The following MON2 variants were observed in gnomAD, a reference collection of about 807,000 sequenced individuals.
MON2 encodes MON2 regulator of endosome-to-Golgi trafficking.
Under a neutral mutation model 208.6 loss-of-function variants are expected in MON2, and 84 were observed. The observed-to-expected ratio is 0.40, with a 90% CI of 0.34 to 0.48. The LOEUF (loss-of-function observed/expected upper bound fraction) is 0.48, where lower values mean the gene tolerates loss of function less well. Ranked by LOEUF, MON2 falls within the 20% of genes least tolerant of loss-of-function variation. MON2 has a pLI of 0.59. For synonymous variants in MON2, 660 were observed against 694.0 expected, an observed-to-expected ratio of 0.95 and a Z score of 0.77; for missense variants, 1,611 against 2,015.4, an observed-to-expected ratio of 0.80 and a Z score of 3.84.
At position 62,598,753 on chromosome 12, in the gene MON2, C is replaced by T. The variant is rs1297407622; in HGVS notation, c.*6004C>T. 1 of 152,162 alleles carries T rather than the reference C, an allele frequency of 6.6e-6. No homozygotes were observed. The highest frequency in any genetic ancestry group is 6.5e-5 in the Admixed American group (1 of 15,280). 9.4% of individuals were successfully genotyped at this position (152,162 alleles called of 1,614,324 possible). A position where few individuals can be genotyped will look rare whatever the true frequency, so the allele number is the denominator to read the frequency against. On this transcript the variant is annotated 3_prime_UTR_variant, in exon 35 of 35. Coordinates refer to ENST00000393630, the MANE Select transcript of MON2 (RefSeq NM_015026.3). ...AGATGTATCAGTTATGTATTATAATCATGAAATTGTATTGGCCTCAAACCC... is the reference window on the plus strand; with the variant it reads ...AGATGTATCAGTTATGTATTATAATTATGAAATTGTATTGGCCTCAAACCC...
chr12:62,532,386 A>AT lies in MON2; in HGVS notation c.1401-44dup, dbSNP rs950686720. 1.8e-4 allele frequency: 236 copies of AT among 1,282,460 alleles called. 1 individual carries two copies. In the South Asian group the frequency reaches 1.9e-3, roughly 10 times the overall value. 79.4% of individuals were successfully genotyped at this position (1,282,460 alleles called of 1,614,324 possible). A position where few individuals can be genotyped will look rare whatever the true frequency, so the allele number is the denominator to read the frequency against. On this transcript the variant is annotated intron_variant, in intron 11 of 34. Transcript: ENST00000393630. ...TAAATTGTAGAAAATAGTTTTATGTATTTTTTTTGTTGTGGCTTCTCATTA... is the reference window on the plus strand; with the variant it reads ...TAAATTGTAGAAAATAGTTTTATGTATTTTTTTTTGTTGTGGCTTCTCATTA...
intron 24 of MON2, among the ~76,000 whole-genome samples, chr12:62,555,226 C>G (rs1362890925): frequency 6.6e-6 from 1 of 151,692 alleles, no homozygotes; most frequent in Non-Finnish European, 1.5e-5. Flanking sequence ...CCCAGGATGG[C>G]ATGCAGTGGC....
intron 11 of MON2, among the ~76,000 whole-genome samples, chr12:62,528,375 G>A (rs1037268322): frequency 1.3e-5 from 2 of 152,098 alleles, no homozygotes; most frequent in African/African-American, 2.4e-5. Flanking sequence ...AAGTATTGGT[G>A]GCATATTCTT....
intron 8 of MON2, among the ~76,000 whole-genome samples, chr12:62,517,637 A>G (rs913312979): frequency 2.1e-4 from 32 of 152,134 alleles, no homozygotes; most frequent in African/African-American, 7.0e-4. Flanking sequence ...GAAAGCATCC[A>G]TTTGCAAGCT....
At position 62,566,120 on chromosome 12, in the gene MON2, T is replaced by G. The variant is rs1025820937; in HGVS notation, c.4194+89T>G. 5 of 1,433,050 alleles carry G rather than the reference T, an allele frequency of 3.5e-6. No homozygotes were observed. In the African/African-American group the frequency reaches 4.3e-5, roughly 12 times the overall value. 88.8% of individuals were successfully genotyped at this position (1,433,050 alleles called of 1,614,324 possible). On this transcript the variant is annotated intron_variant, in intron 28 of 34. Coordinates refer to ENST00000393630, the MANE Select transcript of MON2 (RefSeq NM_015026.3). Reference sequence around the variant, plus strand: ...TTCTTGGTAGAATGCTGTATGTGCTTTTTCCAATAGTTTTAATTTTTGCCT... The same window carrying G: ...TTCTTGGTAGAATGCTGTATGTGCTGTTTCCAATAGTTTTAATTTTTGCCT...
At position 62,537,636 on chromosome 12, in the gene MON2, T is replaced by G. The variant is rs1312026200; in HGVS notation, c.2048T>G (p.Leu683Ter). Residue 683 changes from leucine to a stop codon, truncating the protein, a stop_gained, in exon 16 of 35, where the codon TTA becomes TGA. Coordinates refer to ENST00000393630, the MANE Select transcript of MON2 (RefSeq NM_015026.3). LOFTEE classifies it high-confidence loss of function. ...TSKNIQCMRT[L>*]LNLAHCHGAV... is the part of the protein sequence containing the mutation. ...AAAAATATCCAGTGTATGAGGACTT[T>G]ACTTAACTTGGCGCATTGCCATGGG... 4.3e-6 allele frequency: 7 copies of G among 1,613,156 alleles called. No individual in the cohort carries two copies. The highest frequency in any genetic ancestry group is 5.9e-6 in the Non-Finnish European group (7 of 1,179,680).
intron 19 of MON2, among the ~76,000 whole-genome samples, chr12:62,539,815 G>A (rs1428826906): frequency 6.6e-6 from 1 of 151,790 alleles, no homozygotes; most frequent in Non-Finnish European, 1.5e-5. Context: ...TCAGGAGTTC[G>A]AGACCAGCCT....
intron 4 of MON2, among the ~76,000 whole-genome samples, chr12:62,495,934 A>AT (rs1316638072): frequency 6.6e-6 from 1 of 152,048 alleles, no homozygotes; most frequent in Non-Finnish European, 1.5e-5. Context: ...CCATTCTATT[A>AT]TTTATTTCAC....
chr12:62,595,099 T>G lies in MON2; in HGVS notation c.*2350T>G, dbSNP rs1363930344. 3 of 152,014 alleles carry G rather than the reference T, an allele frequency of 2.0e-5. No individual in the cohort carries two copies. The highest frequency in any genetic ancestry group is 7.2e-5 in the African/African-American group (3 of 41,406). 9.4% of individuals were successfully genotyped at this position (152,014 alleles called of 1,614,324 possible). A position where few individuals can be genotyped will look rare whatever the true frequency, so the allele number is the denominator to read the frequency against. On this transcript the variant is annotated 3_prime_UTR_variant, in exon 35 of 35. Coordinates refer to ENST00000393630, the MANE Select transcript of MON2 (RefSeq NM_015026.3). Reference sequence around the variant, plus strand: ...AGTCTATAACCAGCCCTTTAAGCAGTAGTAAAAATGTCCTTTGTCATACTT... The same window carrying G: ...AGTCTATAACCAGCCCTTTAAGCAGGAGTAAAAATGTCCTTTGTCATACTT...
intron 1 of MON2, among the ~76,000 whole-genome samples, chr12:62,472,632 C>A (rs1393921447): frequency 6.6e-6 from 1 of 152,134 alleles, no homozygotes; most frequent in Non-Finnish European, 1.5e-5. Context: ...GAAAGAGATG[C>A]CTTCTACTTA....
intron 25 of MON2, chr12:62,559,929 C>A (rs1565685484): frequency 6.6e-6 from 1 of 152,332 alleles, no homozygotes; most frequent in Non-Finnish European, 1.5e-5. Context: ...TACGACTTTT[C>A]CAATGATTCT....
At chr12:62,539,628 T>C (rs933597036) in intron 19 of MON2, among the ~76,000 whole-genome samples, 6 of 152,146 alleles carry the variant, frequency 3.9e-5, no homozygotes, top group Non-Finnish European at 7.3e-5. Flanking sequence ...CTCTTATGAC[T>C]CATTTAAAGA....
intron 19 of MON2, among the ~76,000 whole-genome samples, chr12:62,542,155 A>C (rs985803028): frequency 2.0e-5 from 3 of 152,090 alleles, no homozygotes; most frequent in Non-Finnish European, 4.4e-5. Context: ...GGTGCTTTCC[A>C]CATTAGCGCA....
In MON2 at chr12:62,597,516, G is replaced by A. The variant is rs1278213845; in HGVS notation, c.*4767G>A. 1.3e-5 allele frequency: 2 copies of A among 152,010 alleles called. No individual in the cohort carries two copies. Among genetic ancestry groups the A allele is most frequent in the Non-Finnish European group, 2.9e-5 (2 of 68,002 alleles). The allele number at this position is 152,010 out of a possible 1,614,324, so 9.4% of individuals were successfully genotyped here. On this transcript the variant is annotated 3_prime_UTR_variant, in exon 35 of 35. Transcript: ENST00000393630. ...CTGCCATTTTGAAATAGCTGAACAA[G>A]TTAAAGTAATATGTTCCAAAAACTG...
chr12:62,588,047 G>T, intron 33 of MON2, 27 bp from the exon 34 acceptor site: 1 of 1,444,344 alleles, frequency 6.9e-7, no homozygotes, highest in South Asian at 1.2e-5. Flanking sequence ...AAATCTTAAT[G>T]GAAATGATTT....
At chr12:62,488,366 A>T (rs2069916410) in intron 2 of MON2, among the ~76,000 whole-genome samples, 1 of 152,170 alleles carries the variant, frequency 6.6e-6, no homozygotes, top group Non-Finnish European at 1.5e-5. Context: ...AAAAGTATCA[A>T]GTAAAGGGGA....
chr12:62,574,825 T>C (rs530790128), intron 30 of MON2, among the ~76,000 whole-genome samples: 44 of 152,274 alleles, frequency 2.9e-4, no homozygotes, highest in African/African-American at 1.0e-3. Flanking sequence ...TAGGCATTAT[T>C]TTCTTTATTT....
At chr12:62,468,242 G>A (rs148095516) in intron 1 of MON2, among the ~76,000 whole-genome samples, 17 of 151,690 alleles carry the variant, frequency 1.1e-4, no homozygotes, top group Admixed American at 2.6e-4. Context: ...CTCCATGTTG[G>A]TCAGGCGGGT....
chr12:62,587,275 T>C (rs1412634365), intron 33 of MON2, among the ~76,000 whole-genome samples: 1 of 152,176 alleles, frequency 6.6e-6, no homozygotes, highest in Non-Finnish European at 1.5e-5. Context: ...ACCATTGTAA[T>C]TTTGAATATA....
Sources: gnomAD v4.1 joint callset for allele counts (sites outside exome capture counted in the v4.1 genomes callset) on GRCh38, gnomAD v4.1.1 for gene constraint, MANE v1.5 for transcripts, NCBI Gene and HGNC (gene_info 2026-07-23, HGNC 2026-07-21) for gene names.